Variants in MTA3 observed in about 807,000 individuals in gnomAD.
MTA3 encodes the protein metastasis-associated protein MTA3.
Under a neutral mutation model 83.5 loss-of-function variants are expected in MTA3, and 34 were observed. The ratio of observed to expected loss-of-function variants is 0.41; its 90% confidence interval spans 0.31 to 0.54. MTA3 has a LOEUF of 0.54. Ranked by LOEUF, MTA3 falls within the 20% of genes least tolerant of loss-of-function variation. MTA3 has a pLI of 0.33. For synonymous variants in MTA3, 303 were observed against 252.7 expected (o/e 1.20, Z -1.89); for missense variants, 761 against 726.4 (o/e 1.05, Z -0.55).
intron 2 of MTA3, among the ~76,000 whole-genome samples, chr2:42,506,624 A>ATTAT (rs139933539): frequency 6.7e-6 from 1 of 148,640 alleles, no homozygotes; most frequent in Non-Finnish European, 1.5e-5. Flanking sequence ...ACTTATTATT[A>ATTAT]TTATTTATTT....
chr2:42,753,468 G>A lies in MTA3; in HGVS notation c.*69G>A. On this transcript the variant is annotated 3_prime_UTR_variant, in exon 17 of 17. Transcript: ENST00000405094. The stretch of plus-strand genomic sequence containing the variant: ...CCTGCTGATGTTCACAGCCGTGCCT[G>A]GGAAGAAGGCAGCCCCACTCCCAGT... 6.5e-7 allele frequency: 1 copy of A among 1,549,132 alleles called. No homozygotes were observed. The highest frequency in any genetic ancestry group is 8.7e-7 in the Non-Finnish European group (1 of 1,146,152).
chr2:42,673,099 C>A (rs770212013), intron 8 of MTA3, among the ~76,000 whole-genome samples: 6 of 151,844 alleles, frequency 4.0e-5, no homozygotes, highest in Non-Finnish European at 7.4e-5. Flanking sequence ...CACCCCCGCC[C>A]CCCTCTGACC....
At chr2:42,558,143 C>T (rs975660254) in intron 2 of MTA3, among the ~76,000 whole-genome samples, 2 of 152,102 alleles carry the variant, frequency 1.3e-5, no homozygotes, top group Non-Finnish European at 2.9e-5. Context: ...TTTCACACCT[C>T]CCTCAATGCT....
chr2:42,712,079 A>G (rs1181106282), intron 14 of MTA3, among the ~76,000 whole-genome samples: 1 of 152,166 alleles, frequency 6.6e-6, no homozygotes, highest in Admixed American at 6.6e-5. Context: ...GCACCATCAC[A>G]ACCAGTGTCA....
rs2104617900 is a variant in MTA3, at chr2:42,756,638, G to A, written c.*3239G>A. 1.0e-6 allele frequency: 1 copy of A among 985,478 alleles called. No homozygotes were observed. The highest frequency in any genetic ancestry group is 1.2e-6 in the Non-Finnish European group (1 of 829,986). The allele number at this position is 985,478 out of a possible 1,614,324, so 61.0% of individuals were successfully genotyped here. A position where few individuals can be genotyped will look rare whatever the true frequency, so the allele number is the denominator to read the frequency against. ...GGAAACGGCTTTGGGGAGGGAGGGG[G>A]AAGCCTTTATTCTTTACTGTTGTCC... On this transcript the variant is annotated 3_prime_UTR_variant, in exon 17 of 17. Transcript: ENST00000405094.
intron 2 of MTA3, among the ~76,000 whole-genome samples, chr2:42,546,757 A>C (rs1676776387): frequency 6.6e-6 from 1 of 152,198 alleles, no homozygotes; most frequent in Non-Finnish European, 1.5e-5. Flanking sequence ...GACTGCACCC[A>C]GCATCCGTGT....
chr2:42,641,620 G>A (rs1023142119), intron 5 of MTA3, among the ~76,000 whole-genome samples: 2 of 152,116 alleles, frequency 1.3e-5, no homozygotes, highest in South Asian at 2.1e-4. Context: ...GGCCGAGGTG[G>A]GCGGATCACG....
At chr2:42,710,398 A>G (rs1276024490) in intron 14 of MTA3, among the ~76,000 whole-genome samples, 2 of 151,840 alleles carry the variant, frequency 1.3e-5, no homozygotes, top group Non-Finnish European at 2.9e-5. Flanking sequence ...TAAATATACA[A>G]AAATTAGCCA....
At chr2:42,691,386 C>T (rs78462889) in intron 9 of MTA3, among the ~76,000 whole-genome samples, 2,057 of 152,140 alleles carry the variant, frequency 0.014, 41 homozygotes, top group African/African-American at 0.047. Flanking sequence ...ACACACACAT[C>T]CCCCCCTAAA....
intron 14 of MTA3, among the ~76,000 whole-genome samples, chr2:42,715,459 C>A (rs1666964113): frequency 7.1e-6 from 1 of 141,530 alleles, no homozygotes; most frequent in Non-Finnish European, 1.5e-5. Context: ...GTCACCCAGC[C>A]TGGAGTGCAG....
intron 3 of MTA3, among the ~76,000 whole-genome samples, chr2:42,587,117 C>T (rs1160934156): frequency 6.6e-6 from 1 of 152,076 alleles, no homozygotes; most frequent in African/African-American, 2.4e-5. Context: ...ACCTTGAACC[C>T]AGGAGGCGGA....
chr2:42,497,584 CAAA>C (rs112802576), intron 2 of MTA3, among the ~76,000 whole-genome samples: 2 of 123,000 alleles, frequency 1.6e-5, no homozygotes, highest in African/African-American at 3.0e-5. Flanking sequence ...GACTCCATCT[CAAA>C]AAAAAAAAAA....
chr2:42,587,422 A>G (rs949528475), intron 3 of MTA3, among the ~76,000 whole-genome samples: 1 of 152,150 alleles, frequency 6.6e-6, no homozygotes, highest in Non-Finnish European at 1.5e-5. Flanking sequence ...CTCCCCGACA[A>G]GTCATTATTA....
chr2:42,626,566 G>A (rs375339362), intron 4 of MTA3, among the ~76,000 whole-genome samples: 23 of 152,114 alleles, frequency 1.5e-4, no homozygotes, highest in African/African-American at 4.3e-4. Context: ...AAAGTGCTGG[G>A]ATTACAGGCG....
chr2:42,522,183 T>G (rs748124871), intron 2 of MTA3, among the ~76,000 whole-genome samples: 1 of 152,138 alleles, frequency 6.6e-6, no homozygotes, highest in Non-Finnish European at 1.5e-5. Flanking sequence ...TAAAGCAAAC[T>G]GGGGAGACTT....
intron 2 of MTA3, among the ~76,000 whole-genome samples, chr2:42,536,877 A>AAAAAG (rs1676268406): frequency 6.6e-6 from 1 of 150,916 alleles, no homozygotes; most frequent in African/African-American, 2.4e-5. Context: ...AAAAAAAAAA[A>AAAAAG]GGGAGTATAT....
rs1282774096 is a variant in MTA3 at position 42,495,005 on chromosome 2, A to G, written c.-234A>G. On this transcript the variant is annotated splice_region_variant and 5_prime_UTR_variant, in exon 1 of 18. Coordinates refer to the MTA3 transcript ENST00000405592. ...CAGCCCAGCCCGCCGGAGGCGAGAC[A>G]GGTGAGTTGTAAGGCGAACCGTGTT... 2.0e-5 allele frequency: 3 copies of G among 152,646 alleles called. No homozygotes were observed. In the East Asian group the frequency reaches 5.8e-4, roughly 29 times the overall value. The allele number at this position is 152,646 out of a possible 1,614,324, so 9.5% of individuals were successfully genotyped here.
At chr2:42,674,871 A>G (rs1691191867) in intron 8 of MTA3, among the ~76,000 whole-genome samples, 1 of 151,450 alleles carries the variant, frequency 6.6e-6, no homozygotes, top group Non-Finnish European at 1.5e-5. Flanking sequence ...AAGTGCTGGG[A>G]TTAGAGGCGT....
chr2:42,540,929 T>A (rs1195113406), intron 2 of MTA3, among the ~76,000 whole-genome samples: 1 of 152,202 alleles, frequency 6.6e-6, no homozygotes, highest in Non-Finnish European at 1.5e-5. Flanking sequence ...TGCACGAATT[T>A]TGTACTACAC....
Sources: allele counts gnomAD v4.1 joint callset (sites outside exome capture counted in the v4.1 genomes callset), GRCh38; gene constraint gnomAD v4.1.1; transcripts MANE v1.5; gene names NCBI Gene and HGNC (gene_info 2026-07-23, HGNC 2026-07-21).